RGS22: variants seen among roughly 807,000 people sequenced by gnomAD.
The protein encoded by RGS22 is regulator of G-protein signaling 22.
RGS22 carries 148 observed loss-of-function variants against 172.9 expected under a neutral mutation model. The observed-to-expected ratio is 0.86, with a 90% CI of 0.75 to 0.98. The LOEUF is 0.98. Among genes scored for constraint, RGS22 ranks in the 50% least tolerant of loss-of-function variants. The probability of loss-of-function intolerance (pLI) is 0.00; values close to 1 mark genes in which losing one functional copy is unlikely to be tolerated. For missense variants in RGS22, 1,347 were observed against 1,440.8 expected (o/e 0.93, Z 1.05); for synonymous variants, 458 against 480.2 (o/e 0.95, Z 0.60).
chr8:99,979,093 A>G (rs1015364757), intron 22 of RGS22, among the ~76,000 whole-genome samples: 1 of 152,302 alleles, frequency 6.6e-6, no homozygotes, highest in African/African-American at 2.4e-5. Flanking sequence ...ACTTTATTTG[A>G]TGAAACGCAG....
chr8:100,072,680 C>G (rs1043075691), intron 4 of RGS22, among the ~76,000 whole-genome samples: 1 of 152,002 alleles, frequency 6.6e-6, no homozygotes, highest in Non-Finnish European at 1.5e-5. Flanking sequence ...AATGTTTTAA[C>G]TATTTAACAT....
intron 11 of RGS22, among the ~76,000 whole-genome samples, chr8:100,047,007 G>C (rs1417183376): frequency 6.6e-6 from 1 of 151,970 alleles, no homozygotes; most frequent in Non-Finnish European, 1.5e-5. Context: ...GTAGAGACAT[G>C]ATCTCAGTAT....
intron 17 of RGS22, among the ~76,000 whole-genome samples, chr8:100,003,495 T>G (rs1207188078): frequency 6.6e-6 from 1 of 151,874 alleles, no homozygotes; most frequent in African/African-American, 2.4e-5. Flanking sequence ...GTTCCAAGAT[T>G]CTGGGTAAAA....
intron 14 of RGS22, among the ~76,000 whole-genome samples, chr8:100,013,768 C>T (rs1263666529): frequency 6.6e-6 from 1 of 152,116 alleles, no homozygotes; most frequent in African/African-American, 2.4e-5. Context: ...GAAGGTTATT[C>T]TCGTCCTCTA....
At chr8:100,045,075 A>G (rs1820571954) in intron 11 of RGS22, among the ~76,000 whole-genome samples, 1 of 151,770 alleles carries the variant, frequency 6.6e-6, no homozygotes, top group Non-Finnish European at 1.5e-5. Flanking sequence ...CCAGGAGTTC[A>G]AGACCAGCCT....
chr8:99,963,313 G>A (rs545941018), intron 24 of RGS22, among the ~76,000 whole-genome samples: 1 of 152,156 alleles, frequency 6.6e-6, no homozygotes, highest in Non-Finnish European at 1.5e-5. Context: ...GGGAACGTGA[G>A]GGTGGTGATA....
At chr8:100,105,626 T>C in intron 1 of RGS22, 2 of 599,666 alleles carry the variant, frequency 3.3e-6, no homozygotes, top group South Asian at 2.1e-5. Context: ...TAATTCACTG[T>C]GACCCAGGAG....
chr8:99,996,382 T>C (rs1814386182), intron 20 of RGS22, 80 bp downstream of exon 20: 3 of 1,224,292 alleles, frequency 2.5e-6, no homozygotes, highest in Middle Eastern at 1.9e-4. Flanking sequence ...GTGAGGATTT[T>C]TGAACAAGAA....
chr8:100,007,823 C>A (rs1815891279), intron 15 of RGS22, among the ~76,000 whole-genome samples: 1 of 151,290 alleles, frequency 6.6e-6, no homozygotes, highest in Non-Finnish European at 1.5e-5. Flanking sequence ...GCACTCCAGC[C>A]TGGGTGACAG....
chr8:100,033,296 G>C (rs1819052523), intron 14 of RGS22, among the ~76,000 whole-genome samples: 1 of 151,900 alleles, frequency 6.6e-6, no homozygotes, highest in Non-Finnish European at 1.5e-5. Flanking sequence ...AGAAAAGAGA[G>C]AAGAATCAAA....
chr8:99,992,917 T>C (rs1224301912), intron 20 of RGS22, among the ~76,000 whole-genome samples: 1 of 152,198 alleles, frequency 6.6e-6, no homozygotes, highest in African/African-American at 2.4e-5. Context: ...ACAAACTGTC[T>C]CTTGGACCAC....
chr8:99,967,043 C>G (rs1393836913), intron 23 of RGS22, among the ~76,000 whole-genome samples: 1 of 152,112 alleles, frequency 6.6e-6, no homozygotes, highest in African/African-American at 2.4e-5. Context: ...TCATTGGGAC[C>G]AGTTAGACAG....
intron 14 of RGS22, among the ~76,000 whole-genome samples, chr8:100,016,268 TAGACTTCCC>T (rs1816937250): frequency 6.6e-6 from 1 of 152,164 alleles, no homozygotes; most frequent in Admixed American, 6.5e-5. Flanking sequence ...TGACGCTTCA[TAGACTTCCC>T]TGTTAAAAAT....
At chr8:99,964,289 T>TA (rs1265670692) in intron 24 of RGS22, among the ~76,000 whole-genome samples, 8 of 151,720 alleles carry the variant, frequency 5.3e-5, no homozygotes, top group South Asian at 4.2e-4. Context: ...CTCATCTCTA[T>TA]AAAAAATACA....
At chr8:100,053,073 A>C (rs922775196) in intron 9 of RGS22, 97 bp from the exon 10 acceptor site, 6 of 1,092,978 alleles carry the variant, frequency 5.5e-6, no homozygotes, top group Non-Finnish European at 6.7e-6. Context: ...CACAATTAAC[A>C]GTCTTGCCAT....
chr8:99,989,861 C>CAGATAGATAGAT (rs58327517), intron 20 of RGS22, among the ~76,000 whole-genome samples: 271 of 146,444 alleles, frequency 1.9e-3, no homozygotes, highest in Non-Finnish European at 2.3e-3. Context: ...GATAGACAGA[C>CAGATAGATAGAT]AGATAGATAG....
intron 15 of RGS22, among the ~76,000 whole-genome samples, chr8:100,006,487 C>A (rs1815726019): frequency 6.6e-6 from 1 of 152,138 alleles, no homozygotes; most frequent in African/African-American, 2.4e-5. Context: ...TGACCAGACT[C>A]CATGTTGTTA....
chr8:100,104,088 T>G (rs1586311868), intron 2 of RGS22, among the ~76,000 whole-genome samples: 1 of 151,546 alleles, frequency 6.6e-6, no homozygotes. Flanking sequence ...GAGGCCGAGG[T>G]GGGTGGATTG....
At chr8:99,975,663 G>C (rs762226708) in intron 23 of RGS22, among the ~76,000 whole-genome samples, 1 of 150,778 alleles carries the variant, frequency 6.6e-6, no homozygotes, top group Non-Finnish European at 1.5e-5. Context: ...GTGATGCTGT[G>C]TATATACATC....
Sources: gnomAD v4.1 joint callset for allele counts (sites outside exome capture counted in the v4.1 genomes callset) on GRCh38, gnomAD v4.1.1 for gene constraint, MANE v1.5 for transcripts, NCBI Gene and HGNC (gene_info 2026-07-23, HGNC 2026-07-21) for gene names.